Variants in USP10 observed in about 807,000 individuals in gnomAD.
The protein encoded by USP10 is ubiquitin carboxyl-terminal hydrolase 10.
USP10 carries 22 observed loss-of-function variants against 84.5 expected under a neutral mutation model. The observed-to-expected ratio is 0.26, with a 90% CI of 0.19 to 0.37. The LOEUF (loss-of-function observed/expected upper bound fraction) is 0.37, where lower values mean the gene tolerates loss of function less well. Ranked by LOEUF, USP10 falls within the 10% of genes least tolerant of loss-of-function variation. The probability of loss-of-function intolerance (pLI) is 1.00; values close to 1 mark genes in which losing one functional copy is unlikely to be tolerated. For missense variants in USP10, 1,019 were observed against 998.9 expected (o/e 1.02, Z -0.27); for synonymous variants, 454 against 387.6 (o/e 1.17, Z -2.01).
At position 84,745,557 on chromosome 16, in the gene USP10, A is replaced by T; in HGVS notation, c.1076A>T (p.Tyr359Phe). The T allele has an allele frequency of 6.2e-7, 1 of 1,611,792 alleles. No homozygotes were observed. Among genetic ancestry groups the T allele is most frequent in the South Asian group, 1.1e-5 (1 of 90,566 alleles). ...SKPSSSSPVA[Y>F]VETKYSPPAI... The stretch of plus-strand genomic sequence containing the variant: ...CCCTCTTCCTCCTCGCCGGTGGCCT[A>T]TGTGGAAACTAAGTATTCCCCTCCC... Residue 359 changes from tyrosine (Y) to phenylalanine (F), a missense_variant, in exon 4 of 14, where the codon TAT becomes TTT. Tyr to Phe is a conservative substitution (Grantham distance 22, BLOSUM62 3). Transcript: ENST00000219473.
intron 3 of USP10, among the ~76,000 whole-genome samples, chr16:84,742,254 G>A (rs1005291899): frequency 2.0e-5 from 3 of 152,078 alleles, no homozygotes; most frequent in African/African-American, 7.2e-5. Flanking sequence ...CCTTCACCCT[G>A]CCCTTAGCAA....
At chr16:84,758,142 G>T (rs997990668) in intron 4 of USP10, among the ~76,000 whole-genome samples, 2 of 152,236 alleles carry the variant, frequency 1.3e-5, no homozygotes, top group Non-Finnish European at 2.9e-5. Context: ...TTATAAAACA[G>T]TTGCTAAATT....
intron 9 of USP10, among the ~76,000 whole-genome samples, chr16:84,763,809 G>A (rs1395336855): frequency 3.9e-5 from 6 of 152,112 alleles, no homozygotes; most frequent in East Asian, 3.8e-4. Flanking sequence ...ATTGGTTGCC[G>A]TGGATCCAGT....
At chr16:84,721,436 A>G (rs2150779177) in intron 1 of USP10, among the ~76,000 whole-genome samples, 1 of 152,366 alleles carries the variant, frequency 6.6e-6, no homozygotes, top group African/African-American at 2.4e-5. Flanking sequence ...TCTGCTTTAC[A>G]TAGATTGTGC....
chr16:84,726,184 A>T (rs1186573265), intron 1 of USP10, among the ~76,000 whole-genome samples: 1 of 152,256 alleles, frequency 6.6e-6, no homozygotes, highest in African/African-American at 2.4e-5. Flanking sequence ...CAGAGAGATG[A>T]AACTTTCAGA....
chr16:84,764,435 G>A (rs753463221), intron 10 of USP10, among the ~76,000 whole-genome samples, 172 bp downstream of exon 10: 2 of 152,156 alleles, frequency 1.3e-5, no homozygotes, highest in Non-Finnish European at 1.5e-5. Context: ...GTCAGCCCCC[G>A]TGGCTTATTC....
chr16:84,701,086 C>A (rs994979168), intron 1 of USP10, among the ~76,000 whole-genome samples: 3 of 152,124 alleles, frequency 2.0e-5, no homozygotes, highest in Non-Finnish European at 4.4e-5. Flanking sequence ...AACAAAGTAG[C>A]CATTCGGGAA....
intron 8 of USP10, among the ~76,000 whole-genome samples, chr16:84,762,406 T>C (rs928482553): frequency 2.6e-5 from 4 of 152,172 alleles, no homozygotes; most frequent in African/African-American, 4.8e-5. Flanking sequence ...ATAAAGGTAA[T>C]GTGGCCAGGT....
At chr16:84,735,236 T>TGTGTGTGG (rs1354495965) in intron 2 of USP10, among the ~76,000 whole-genome samples, 3 of 121,584 alleles carry the variant, frequency 2.5e-5, no homozygotes, top group Non-Finnish European at 5.2e-5. Flanking sequence ...TGTGTGTGTG[T>TGTGTGTGG]GGTGTGTGTG....
intron 5 of USP10, 99 bp downstream of exon 5, chr16:84,758,906 T>C: frequency 1.2e-6 from 1 of 817,188 alleles, no homozygotes; most frequent in Non-Finnish European, 2.1e-6. Context: ...CATCTAGCTC[T>C]CCATTTGAAT....
rs544792960 is a variant in USP10 at position 84,706,881 on chromosome 16, C to T, written c.21+6770C>T. ...TTATTCAAGACCTGAAGTAGGCTTT[C>T]TGGGTAGATCTGATCATTGGAGAAG... On this transcript the variant is annotated intron_variant, in intron 1 of 13. Coordinates refer to ENST00000219473, the MANE Select transcript of USP10 (RefSeq NM_005153.3). Among the ~76,000 whole-genome samples the T allele has an allele frequency of 7.3e-5, 11 of 151,316 alleles. No individual in the cohort carries two copies. In the Admixed American group the frequency reaches 7.3e-4, roughly 10 times the overall value.
At chr16:84,778,305 G>C (rs548915077) in intron 13 of USP10, among the ~76,000 whole-genome samples, 14 of 152,114 alleles carry the variant, frequency 9.2e-5, no homozygotes, top group Middle Eastern at 3.4e-3. Context: ...AGGATAGATG[G>C]GCCACAGAAG....
chr16:84,760,319 T>G (rs1913062979), intron 8 of USP10, 44 bp downstream of exon 8: 2 of 1,515,204 alleles, frequency 1.3e-6, no homozygotes, highest in East Asian at 4.7e-5. Context: ...TGTTGCCTTT[T>G]GTTCCAGTGT....
intron 13 of USP10, among the ~76,000 whole-genome samples, chr16:84,775,790 C>G (rs1914949288): frequency 1.3e-5 from 2 of 152,224 alleles, no homozygotes; most frequent in South Asian, 4.1e-4. Flanking sequence ...TCTTCTGTCT[C>G]CTGGCTTAGG....
At chr16:84,778,545 C>T (rs1484053086) in intron 13 of USP10, among the ~76,000 whole-genome samples, 1 of 152,152 alleles carries the variant, frequency 6.6e-6, no homozygotes, top group African/African-American at 2.4e-5. Context: ...GTAGAGTCAG[C>T]CACATCCAAG....
At chr16:84,755,606 A>C (rs1212024490) in intron 4 of USP10, among the ~76,000 whole-genome samples, 1 of 152,130 alleles carries the variant, frequency 6.6e-6, no homozygotes, top group Admixed American at 6.5e-5. Flanking sequence ...ACTGCACTCC[A>C]GCCTGGGTAA....
At chr16:84,756,608 C>A (rs942706478) in intron 4 of USP10, among the ~76,000 whole-genome samples, 1 of 151,732 alleles carries the variant, frequency 6.6e-6, no homozygotes, top group Admixed American at 6.6e-5. Context: ...ACAAAGGTTT[C>A]TATGTTAGAA....
intron 3 of USP10, among the ~76,000 whole-genome samples, chr16:84,744,286 A>T (rs1910958122): frequency 6.6e-6 from 1 of 152,150 alleles, no homozygotes; most frequent in African/African-American, 2.4e-5. Context: ...CCTTTATCTC[A>T]GGCATAAGGC....
chr16:84,775,166 T>G lies in USP10; in HGVS notation c.2150T>G (p.Leu717Arg). The G allele has an allele frequency of 6.2e-7, 1 of 1,613,864 alleles. No individual in the cohort carries two copies. The highest frequency in any genetic ancestry group is 8.5e-7 in the Non-Finnish European group (1 of 1,179,740). ...PVDLEISKEL[L>R]SPGVKNKNFK... ...TTGATATTTTGTTTTCCAGAACTGC[T>G]TTCTCCAGGGGTTAAAAATAAGAAT... Residue 717 changes from leucine to arginine, a missense_variant, in exon 13 of 14, where the codon CTT becomes CGT. By Grantham distance (102) the Leu-to-Arg change is moderately radical. This residue lies in a region of USP10 where 232 missense variants were observed against 290.1 expected (regional missense o/e 0.80). Coordinates refer to ENST00000219473, the MANE Select transcript of USP10 (RefSeq NM_005153.3).
Sources: allele counts gnomAD v4.1 joint callset (sites outside exome capture counted in the v4.1 genomes callset), GRCh38; gene constraint gnomAD v4.1.1; regional missense constraint gnomAD v4.1.1; transcripts MANE v1.5; gene names NCBI Gene and HGNC (gene_info 2026-07-23, HGNC 2026-07-21).